PARD3: variants seen among roughly 807,000 people sequenced by gnomAD.
PARD3 encodes the protein partitioning defective 3 homolog.
Under a neutral mutation model 155.4 loss-of-function variants are expected in PARD3, and 75 were observed. The ratio of observed to expected loss-of-function variants is 0.48; its 90% CI spans 0.40 to 0.58. The LOEUF is 0.58. Ranked by LOEUF, PARD3 falls within the 20% of genes least tolerant of loss-of-function variation. The pLI is 0.00. For missense variants in PARD3, 1,642 were observed against 1,721.7 expected (o/e 0.95, Z 0.82); for synonymous variants, 576 against 610.5 (o/e 0.94, Z 0.83).
At chr10:34,533,252 C>T (rs1359020804) in intron 2 of PARD3, among the ~76,000 whole-genome samples, 1 of 151,886 alleles carries the variant, frequency 6.6e-6, no homozygotes, top group Non-Finnish European at 1.5e-5. Context: ...AAGATGGGAA[C>T]AATAGACACT....
chr10:34,184,030 C>A (rs1377665173), intron 22 of PARD3, among the ~76,000 whole-genome samples: 1 of 152,144 alleles, frequency 6.6e-6, no homozygotes. Context: ...GTTGCCCAGG[C>A]TGGTCTCTAA....
intron 1 of PARD3, among the ~76,000 whole-genome samples, chr10:34,752,287 AAAGT>A (rs1164016203): frequency 6.6e-6 from 1 of 152,002 alleles, no homozygotes; most frequent in Admixed American, 6.6e-5. Context: ...AAAAAAAAAA[AAAGT>A]AAGATAAAAA....
chr10:34,460,638 CCTGA>C (rs2077586672), intron 4 of PARD3, among the ~76,000 whole-genome samples: 1 of 152,030 alleles, frequency 6.6e-6, no homozygotes, highest in African/African-American at 2.4e-5. Context: ...TCGAGACCAT[CCTGA>C]CTAACACGGT....
intron 2 of PARD3, among the ~76,000 whole-genome samples, chr10:34,582,449 T>C (rs141878604): frequency 1.4e-4 from 21 of 152,362 alleles, no homozygotes; most frequent in African/African-American, 4.8e-4. Flanking sequence ...AAATGACTCA[T>C]GGGAACAAAT....
intron 2 of PARD3, among the ~76,000 whole-genome samples, chr10:34,580,080 A>G (rs555601576): frequency 6.0e-5 from 9 of 151,206 alleles, no homozygotes; most frequent in African/African-American, 1.9e-4. Flanking sequence ...TGCCTGGATA[A>G]TTCTTTATAT....
At chr10:34,684,187 C>T (rs570629885) in intron 2 of PARD3, among the ~76,000 whole-genome samples, 21 of 152,228 alleles carry the variant, frequency 1.4e-4, no homozygotes, top group African/African-American at 4.8e-4. Context: ...TGGAATTAAG[C>T]AGAAGTAGAA....
At chr10:34,677,930 T>C (rs2093739225) in intron 2 of PARD3, among the ~76,000 whole-genome samples, 1 of 152,160 alleles carries the variant, frequency 6.6e-6, no homozygotes, top group South Asian at 2.1e-4. Flanking sequence ...TCCAAAAATA[T>C]CAACATTAAG....
intron 2 of PARD3, among the ~76,000 whole-genome samples, chr10:34,589,636 CAAAAAAAAAAAA>C (rs35357373): frequency 4.7e-5 from 4 of 84,300 alleles, no homozygotes; most frequent in Non-Finnish European, 9.0e-5. Flanking sequence ...AGTACATGTC[CAAAAAAAAAAAA>C]AAAAAAAAAA....
At chr10:34,225,927 A>C (rs1045764886) in intron 22 of PARD3, among the ~76,000 whole-genome samples, 1 of 152,240 alleles carries the variant, frequency 6.6e-6, no homozygotes, top group Non-Finnish European at 1.5e-5. Context: ...TTCAAAAGAC[A>C]ACAGTAAGTA....
intron 1 of PARD3, among the ~76,000 whole-genome samples, chr10:34,720,227 C>T (rs893270113): frequency 2.6e-5 from 4 of 152,120 alleles, no homozygotes; most frequent in East Asian, 1.9e-4. Flanking sequence ...GAGTGTCAGG[C>T]GTTCAAGACT....
chr10:34,430,128 G>A lies in PARD3; in HGVS notation c.714+20189C>T, dbSNP rs576487719. ...ACCTTATTGAAAGTGTTTACCATTT[G>A]AGTACAATCTGAGAATATGCCAACT... On this transcript the variant is annotated intron_variant, in intron 5 of 24. Coordinates refer to ENST00000374788, the MANE Select transcript of PARD3 (RefSeq NM_001184785.2). 7.0e-4 allele frequency among the ~76,000 whole-genome samples: 106 copies of A among 152,342 alleles called. 1 individual carries two copies. Among genetic ancestry groups the A allele is most frequent in the South Asian group, 6.6e-3 (32 of 4,830 alleles).
At chr10:34,374,154 A>C (rs568100362) in intron 11 of PARD3, among the ~76,000 whole-genome samples, 5 of 152,288 alleles carry the variant, frequency 3.3e-5, no homozygotes, top group African/African-American at 1.2e-4. Context: ...TTTATATATA[A>C]ATGAAACCTA....
At chr10:34,577,304 T>C (rs967495857) in intron 2 of PARD3, among the ~76,000 whole-genome samples, 2 of 152,176 alleles carry the variant, frequency 1.3e-5, no homozygotes, top group African/African-American at 4.8e-5. Context: ...ATGATGCATG[T>C]GTGTTTTCTG....
chr10:34,355,841 C>G (rs1838743858), intron 14 of PARD3, among the ~76,000 whole-genome samples: 1 of 145,222 alleles, frequency 6.9e-6, no homozygotes, highest in Admixed American at 7.2e-5. Context: ...TGGAGAATCA[C>G]TTGAACCCGG....
At chr10:34,622,609 C>G (rs185450953) in intron 2 of PARD3, among the ~76,000 whole-genome samples, 21 of 152,254 alleles carry the variant, frequency 1.4e-4, no homozygotes, top group Admixed American at 1.2e-3. Flanking sequence ...CAGTTAGGCC[C>G]CATCAGGCTA....
At chr10:34,710,277 G>A (rs1043246046) in intron 1 of PARD3, among the ~76,000 whole-genome samples, 1 of 152,192 alleles carries the variant, frequency 6.6e-6, no homozygotes, top group Non-Finnish European at 1.5e-5. Context: ...TCCCTAGTTT[G>A]AAGAATGTAT....
chr10:34,697,766 A>AACACGCACACACAC lies in PARD3; in HGVS notation c.121-1348_121-1347insGTGTGTGTGCGTGT, dbSNP rs377094946. Among the ~76,000 whole-genome samples the AACACGCACACACAC allele has an allele frequency of 3.2e-3, 462 of 146,538 alleles. 3 individuals are homozygous for AACACGCACACACAC. Among genetic ancestry groups the AACACGCACACACAC allele is most frequent in the Middle Eastern group, 0.014 (4 of 288 alleles). On this transcript the variant is annotated intron_variant, in intron 1 of 24. Transcript: ENST00000374788. ...ACACAGAGAGTAAGTTTGTAAAACA[A>AACACGCACACACAC]ACACTCACACACACACACACACACA...
In PARD3 at chr10:34,274,455, G is replaced by A. The variant is rs1955779198; in HGVS notation, c.3177-4556C>T. Among the ~76,000 whole-genome samples, 5 of 152,052 alleles carry A rather than the reference G, an allele frequency of 3.3e-5. No homozygotes were observed. The South Asian group carries it at 1.0e-3, about 32-fold the overall frequency. On this transcript the variant is annotated intron_variant, in intron 21 of 24. Coordinates refer to ENST00000374788, the MANE Select transcript of PARD3 (RefSeq NM_001184785.2). Reference sequence around the variant, plus strand: ...TGACCAGAAATCACTAGCAGAAAGAGGAAAATGAGTTCTTTCTTACATTCA... The same window carrying A: ...TGACCAGAAATCACTAGCAGAAAGAAGAAAATGAGTTCTTTCTTACATTCA...
chr10:34,467,364 A>T (rs199749137), intron 4 of PARD3, among the ~76,000 whole-genome samples: 4 of 118,636 alleles, frequency 3.4e-5, no homozygotes, highest in South Asian at 2.7e-4. Context: ...TGTGTGTGTA[A>T]ATACTGGTTG....
Sources: gnomAD v4.1 joint callset for allele counts (sites outside exome capture counted in the v4.1 genomes callset) on GRCh38, gnomAD v4.1.1 for gene constraint, MANE v1.5 for transcripts, NCBI Gene and HGNC (gene_info 2026-07-23, HGNC 2026-07-21) for gene names.